MAGI1: variants seen among roughly 807,000 people sequenced by gnomAD.
The protein encoded by MAGI1 is membrane-associated guanylate kinase, WW and PDZ domain-containing protein 1.
MAGI1 carries 58 observed loss-of-function variants against 139.9 expected under a neutral mutation model. The ratio of observed to expected loss-of-function variants is 0.41; its 90% confidence interval spans 0.34 to 0.52. The LOEUF (loss-of-function observed/expected upper bound fraction) is 0.52. Among genes scored for constraint, MAGI1 ranks in the 20% least tolerant of loss-of-function variants. The pLI, the probability that MAGI1 is intolerant of heterozygous loss-of-function variation, is 0.12. For synonymous variants in MAGI1, 812 were observed against 737.9 expected (o/e 1.10, Z -1.63); for missense variants, 1,874 against 1,901.6 (o/e 0.99, Z 0.27).
chr3:65,868,786 G>C (rs541933734), intron 1 of MAGI1, among the ~76,000 whole-genome samples: 1 of 152,216 alleles, frequency 6.6e-6, no homozygotes, highest in East Asian at 1.9e-4. Context: ...AACAATTGTA[G>C]CTAGATTCTA....
intron 1 of MAGI1, among the ~76,000 whole-genome samples, chr3:65,948,214 G>C (rs766623705): frequency 1.1e-4 from 16 of 152,070 alleles, no homozygotes; most frequent in Non-Finnish European, 1.9e-4. Context: ...AAAGGGCTGG[G>C]ATTACAGGCA....
intron 13 of MAGI1, 65 bp downstream of exon 13, chr3:65,401,374 C>CCCA: frequency 1.0e-6 from 1 of 985,888 alleles, no homozygotes; most frequent in Non-Finnish European, 1.6e-6. Flanking sequence ...GAGTACCCTC[C>CCCA]CACCTCCAGC....
At chr3:65,456,997 T>C (rs1052039660) in intron 5 of MAGI1, among the ~76,000 whole-genome samples, 1 of 152,174 alleles carries the variant, frequency 6.6e-6, no homozygotes, top group Non-Finnish European at 1.5e-5. Flanking sequence ...TATGACTTCA[T>C]TCTTCCTTTT....
intron 1 of MAGI1, among the ~76,000 whole-genome samples, chr3:65,871,696 G>A (rs1030910200): frequency 5.3e-5 from 8 of 152,208 alleles, no homozygotes; most frequent in African/African-American, 9.6e-5. Context: ...AGTAAGGTGA[G>A]CAGGAATCAT....
chr3:65,419,694 A>T (rs1460977260), intron 12 of MAGI1, among the ~76,000 whole-genome samples: 1 of 152,100 alleles, frequency 6.6e-6, no homozygotes, highest in Non-Finnish European at 1.5e-5. Context: ...CTCAGCAAAG[A>T]TTCCTCCCAG....
chr3:66,033,235 G>T (rs2107605515), intron 1 of MAGI1, among the ~76,000 whole-genome samples: 1 of 152,172 alleles, frequency 6.6e-6, no homozygotes, highest in South Asian at 2.1e-4. Flanking sequence ...TGTTGCCCAG[G>T]CTGGTCTTAA....
At chr3:65,847,779 T>C (rs921200406) in intron 1 of MAGI1, among the ~76,000 whole-genome samples, 1 of 152,180 alleles carries the variant, frequency 6.6e-6, no homozygotes, top group African/African-American at 2.4e-5. Context: ...TTCCACTGGG[T>C]ACTACGCTCT....
Position 65,375,842 on chromosome 3 carries a change from T to G in MAGI1, c.3099A>C (p.Val1033=), listed in dbSNP as rs780666116. 6.8e-6 allele frequency: 11 copies of G among 1,614,044 alleles called. No individual in the cohort carries two copies. Among genetic ancestry groups the G allele is most frequent in the Admixed American group, 1.7e-5 (1 of 60,002 alleles). ...ATTTGTTGGTGATGGAACATCCATT[T>G]ACTGCCAAGATCCGGTCTCCTACTT... ...KLKVGDRILA[V]NGCSITNKSH... is the part of the protein sequence containing the mutation. Residue 1033 remains valine (V), a synonymous_variant, in exon 18 of 23, where the codon GTA becomes GTC. Transcript: ENST00000402939.
intron 1 of MAGI1, among the ~76,000 whole-genome samples, chr3:65,628,586 C>T (rs1023996329): frequency 1.3e-5 from 2 of 151,728 alleles, no homozygotes; most frequent in Non-Finnish European, 1.5e-5. Flanking sequence ...TCCAGACTCT[C>T]GGGGAAAAAA....
chr3:65,730,818 T>C (rs1441805492), intron 1 of MAGI1, among the ~76,000 whole-genome samples: 1 of 152,282 alleles, frequency 6.6e-6, no homozygotes, highest in East Asian at 1.9e-4. Flanking sequence ...TTGTTTTCTC[T>C]ACAGCAAAAT....
chr3:65,416,090 C>T (rs1946196430), intron 12 of MAGI1, among the ~76,000 whole-genome samples: 1 of 150,960 alleles, frequency 6.6e-6, no homozygotes, highest in Admixed American at 6.6e-5. Flanking sequence ...AGCGTGTAGA[C>T]CTAATTCCAA....
At chr3:65,411,170 A>G (rs761012530) in intron 12 of MAGI1, among the ~76,000 whole-genome samples, 2 of 152,196 alleles carry the variant, frequency 1.3e-5, no homozygotes, top group Non-Finnish European at 2.9e-5. Flanking sequence ...ATATGGTTCT[A>G]GGAAAGCTCT....
chr3:65,783,335 C>T (rs1169187186), intron 1 of MAGI1, among the ~76,000 whole-genome samples: 1 of 152,158 alleles, frequency 6.6e-6, no homozygotes, highest in South Asian at 2.1e-4. Context: ...TTCACACCCA[C>T]TAGGATGGCT....
rs146736973 is a variant in MAGI1 at position 65,629,260 on chromosome 3, T to G, written c.314-7172A>C. Among the ~76,000 whole-genome samples the G allele has an allele frequency of 1.1e-3, 172 of 152,310 alleles. 3 individuals carry two copies. In the East Asian group the frequency reaches 0.031, roughly 27 times the overall value. The stretch of plus-strand genomic sequence containing the variant: ...AGAGAACACTTTTGAGTCTTCTTAA[T>G]GTATCCATCTGTGACCGAGAGGGCA... On this transcript the variant is annotated intron_variant, in intron 1 of 22. Coordinates refer to ENST00000402939, the MANE Select transcript of MAGI1 (RefSeq NM_001033057.2).
At chr3:65,368,266 G>A (rs1941629992) in intron 18 of MAGI1, among the ~76,000 whole-genome samples, 1 of 152,166 alleles carries the variant, frequency 6.6e-6, no homozygotes, top group Admixed American at 6.6e-5. Context: ...AAAACTGCAA[G>A]GCACATGGAC....
At chr3:65,537,223 C>G (rs887002532) in intron 2 of MAGI1, among the ~76,000 whole-genome samples, 1 of 152,138 alleles carries the variant, frequency 6.6e-6, no homozygotes, top group South Asian at 2.1e-4. Context: ...TTCCAACATG[C>G]CTTTGCTCAA....
chr3:65,920,126 T>A (rs1322510062), intron 1 of MAGI1, among the ~76,000 whole-genome samples: 1 of 152,174 alleles, frequency 6.6e-6, no homozygotes, highest in Non-Finnish European at 1.5e-5. Context: ...CATCACAAAT[T>A]ACCCACAACA....
intron 1 of MAGI1, chr3:65,687,626 A>G (rs2088174343): frequency 2.3e-6 from 1 of 428,084 alleles, no homozygotes; most frequent in Admixed American, 2.9e-5. Context: ...TCCTATAAAA[A>G]GAGAATGGTC....
intron 18 of MAGI1, among the ~76,000 whole-genome samples, chr3:65,366,319 C>T (rs1195190924): frequency 6.6e-6 from 1 of 152,154 alleles, no homozygotes; most frequent in Non-Finnish European, 1.5e-5. Flanking sequence ...TAATTTACTG[C>T]AGCCATAAAA....
Sources: gnomAD v4.1 joint callset for allele counts (sites outside exome capture counted in the v4.1 genomes callset) on GRCh38, gnomAD v4.1.1 for gene constraint, MANE v1.5 for transcripts, NCBI Gene and HGNC (gene_info 2026-07-23, HGNC 2026-07-21) for gene names.